Variants in UGT1A8 observed in about 807,000 individuals in gnomAD.
UGT1A8 encodes the protein UDP-glucuronosyltransferase 1A8.
In UGT1A8, 39 loss-of-function variants were observed where a neutral mutation model predicts 45.3. The ratio of observed to expected loss-of-function variants is 0.86; its 90% CI spans 0.67 to 1.12. UGT1A8 has a LOEUF of 1.12. Among genes scored for constraint, UGT1A8 ranks in the 50% most tolerant of loss-of-function variants. UGT1A8 has a pLI of 0.00. For missense variants in UGT1A8, 719 were observed against 664.9 expected (o/e 1.08, Z -0.90); for synonymous variants, 275 against 249.2 (o/e 1.10, Z -0.97).
chr2:233,758,658 T>A lies in UGT1A8; in HGVS notation c.856-8376T>A, dbSNP rs188603135. 5.3e-5 allele frequency among the ~76,000 whole-genome samples: 8 copies of A among 152,318 alleles called. No individual in the cohort carries two copies. In the East Asian group the frequency reaches 1.5e-3, roughly 29 times the overall value. ...TAAGGAGAAGAATGAGAGGGTACCCTAATTACCTGTTAATATGTCCCATAG... is the reference window on the plus strand; with the variant it reads ...TAAGGAGAAGAATGAGAGGGTACCCAAATTACCTGTTAATATGTCCCATAG... On this transcript the variant is annotated intron_variant, in intron 1 of 4. Coordinates refer to ENST00000373450, the MANE Select transcript of UGT1A8 (RefSeq NM_019076.5).
intron 1 of UGT1A8, chr2:233,693,698 C>A (rs2075175410): frequency 6.2e-7 from 1 of 1,614,222 alleles, no homozygotes; most frequent in Non-Finnish European, 8.5e-7. Context: ...GTATGAAGAA[C>A]TCGCATCAGC....
chr2:233,657,077 C>T (rs2073871442), intron 1 of UGT1A8, among the ~76,000 whole-genome samples: 1 of 152,106 alleles, frequency 6.6e-6, no homozygotes, highest in South Asian at 2.1e-4. Context: ...CTTTGGTCTA[C>T]CCTAAGAATG....
chr2:233,763,099 C>A (rs1698236353), intron 1 of UGT1A8, among the ~76,000 whole-genome samples: 3 of 152,172 alleles, frequency 2.0e-5, no homozygotes. Flanking sequence ...AGGAGAGGCA[C>A]CGAACTTTAT....
At chr2:233,646,886 T>G (rs534109112) in intron 1 of UGT1A8, among the ~76,000 whole-genome samples, 1 of 152,338 alleles carries the variant, frequency 6.6e-6, no homozygotes, top group South Asian at 2.1e-4. Context: ...AGCAATCCAC[T>G]CTACTGGTAC....
intron 1 of UGT1A8, among the ~76,000 whole-genome samples, chr2:233,680,346 C>T (rs1015442122): frequency 7.9e-5 from 12 of 152,190 alleles, no homozygotes; most frequent in Admixed American, 7.2e-4. Context: ...GTATAAACGT[C>T]ATATCACATG....
intron 1 of UGT1A8, among the ~76,000 whole-genome samples, chr2:233,725,523 T>C (rs970179720): frequency 6.6e-6 from 1 of 152,060 alleles, no homozygotes; most frequent in African/African-American, 2.4e-5. Context: ...TAAGGCATTG[T>C]TTAACCAGAC....
chr2:233,718,423 G>A (rs1017112190), intron 1 of UGT1A8, among the ~76,000 whole-genome samples: 2 of 152,246 alleles, frequency 1.3e-5, no homozygotes. Context: ...CAGAGAACAT[G>A]TGGTTGGGGA....
intron 1 of UGT1A8, among the ~76,000 whole-genome samples, chr2:233,655,351 A>G (rs1241738590): frequency 6.6e-6 from 1 of 152,158 alleles, no homozygotes; most frequent in Non-Finnish European, 1.5e-5. Context: ...TAACACTGGA[A>G]GTCTCACGTC....
intron 1 of UGT1A8, chr2:233,747,457 T>A: frequency 6.2e-7 from 1 of 1,608,932 alleles, no homozygotes; most frequent in South Asian, 1.1e-5. Flanking sequence ...ACCTATGCCA[T>A]TTCATGGACC....
At chr2:233,713,798 C>T in intron 1 of UGT1A8, 1 of 1,614,086 alleles carries the variant, frequency 6.2e-7, no homozygotes, top group Non-Finnish European at 8.5e-7. Flanking sequence ...CCAGGCCGAT[C>T]ATGCCCAACA....
At chr2:233,760,770 C>T in intron 1 of UGT1A8, 2 of 1,614,054 alleles carry the variant, frequency 1.2e-6, no homozygotes, top group Non-Finnish European at 1.7e-6. Context: ...CCATCGTGGC[C>T]CAGTACCTGT....
intron 1 of UGT1A8, among the ~76,000 whole-genome samples, chr2:233,734,140 A>T (rs2078490993): frequency 1.3e-5 from 2 of 152,148 alleles, no homozygotes; most frequent in Admixed American, 1.3e-4. Context: ...TTTGGCTGTG[A>T]ATCCATCTGG....
chr2:233,690,756 G>C, intron 1 of UGT1A8: 3 of 1,106,918 alleles, frequency 2.7e-6, no homozygotes, highest in South Asian at 1.7e-5. Flanking sequence ...GTCCAGTGCA[G>C]ACATACACAC....
chr2:233,671,513 T>C (rs1242254511), intron 1 of UGT1A8, among the ~76,000 whole-genome samples: 1 of 152,222 alleles, frequency 6.6e-6, no homozygotes, highest in Non-Finnish European at 1.5e-5. Flanking sequence ...CCATCTTCTC[T>C]GGACAGAGAG....
At chr2:233,645,845 A>C (rs989868878) in intron 1 of UGT1A8, among the ~76,000 whole-genome samples, 2 of 152,076 alleles carry the variant, frequency 1.3e-5, no homozygotes, top group African/African-American at 4.8e-5. Flanking sequence ...TACCATTCTG[A>C]GGTGGAGGGA....
At chr2:233,657,466 G>A (rs1364305393) in intron 1 of UGT1A8, among the ~76,000 whole-genome samples, 1 of 152,124 alleles carries the variant, frequency 6.6e-6, no homozygotes, top group African/African-American at 2.4e-5. Flanking sequence ...AAAAAGGAGG[G>A]GTTGCCAGGA....
At chr2:233,656,970 C>A (rs2073869001) in intron 1 of UGT1A8, among the ~76,000 whole-genome samples, 2 of 151,770 alleles carry the variant, frequency 1.3e-5, no homozygotes, top group East Asian at 3.9e-4. Flanking sequence ...CAGGTGAGCC[C>A]AGGTGGAGCC....
intron 1 of UGT1A8, among the ~76,000 whole-genome samples, chr2:233,670,123 G>T (rs1040364339): frequency 1.1e-4 from 17 of 152,168 alleles, no homozygotes; most frequent in African/African-American, 4.1e-4. Flanking sequence ...TCATAATGAA[G>T]TCAGCTAGAG....
intron 1 of UGT1A8, chr2:233,712,955 T>C (rs766040798): frequency 1.9e-6 from 3 of 1,612,766 alleles, no homozygotes; most frequent in Non-Finnish European, 2.5e-6. Context: ...AGGCACAACG[T>C]GGGGTGGACA....
Sources: gnomAD v4.1 joint callset for allele counts (sites outside exome capture counted in the v4.1 genomes callset) on GRCh38, gnomAD v4.1.1 for gene constraint, MANE v1.5 for transcripts, NCBI Gene and HGNC (gene_info 2026-07-23, HGNC 2026-07-21) for gene names.